Variants in NTF3 observed in about 807,000 individuals in gnomAD.
NTF3 encodes the protein neurotrophin 3.
Under a neutral mutation model 26.3 loss-of-function variants are expected in NTF3, and 8 were observed. That is an observed-to-expected ratio of 0.30 (90% CI 0.18 to 0.55). The LOEUF (loss-of-function observed/expected upper bound fraction) is 0.55. Among genes scored for constraint, NTF3 ranks in the 20% least tolerant of loss-of-function variants. The probability of loss-of-function intolerance (pLI) is 0.93; values close to 1 mark genes in which losing one functional copy is unlikely to be tolerated. For synonymous variants in NTF3, 154 were observed against 145.5 expected, an observed-to-expected ratio of 1.06 and a Z score of -0.42; for missense variants, 276 against 352.9, an observed-to-expected ratio of 0.78 and a Z score of 1.75.
intron 1 of NTF3, among the ~76,000 whole-genome samples, chr12:5,436,500 T>C (rs1940170143): frequency 6.6e-6 from 1 of 152,186 alleles, no homozygotes; most frequent in South Asian, 2.1e-4. Context: ...ATAACTCTTC[T>C]GTTTCTCTTT....
chr12:5,441,457 A>G (rs1366883085), intron 1 of NTF3, among the ~76,000 whole-genome samples: 5 of 150,920 alleles, frequency 3.3e-5, no homozygotes, highest in South Asian at 2.1e-4. Context: ...ATCATCAATG[A>G]TATTAAAATC....
intron 1 of NTF3, among the ~76,000 whole-genome samples, chr12:5,481,505 ACC>A (rs1491267054): frequency 1.7e-4 from 2 of 11,670 alleles, no homozygotes; most frequent in Non-Finnish European, 2.1e-4. Context: ...TACACAGAAT[ACC>A]ACACACACAT....
chr12:5,480,231 G>T (rs1256465014), intron 1 of NTF3, among the ~76,000 whole-genome samples: 1 of 152,118 alleles, frequency 6.6e-6, no homozygotes, highest in Non-Finnish European at 1.5e-5. Context: ...TGGCGCCTGG[G>T]GTGAGGGTCA....
intron 1 of NTF3, 162 bp downstream of exon 1, chr12:5,432,504 A>G (rs1357371295): frequency 5.9e-6 from 2 of 337,986 alleles, no homozygotes; most frequent in Admixed American, 1.3e-4. Flanking sequence ...TGTCTTCCCC[A>G]AAGTTTGCGC....
chr12:5,480,917 G>A (rs1466522581), intron 1 of NTF3, among the ~76,000 whole-genome samples: 1 of 152,116 alleles, frequency 6.6e-6, no homozygotes, highest in South Asian at 2.1e-4. Context: ...TTGACCCAGA[G>A]TTTCTCCTTC....
rs115385652 is a variant in NTF3, at chr12:5,472,491, A to G, written c.19-21703A>G. Among the ~76,000 whole-genome samples, 179 of 152,370 alleles carry G rather than the reference A, an allele frequency of 1.2e-3. 1 individual carries two copies. Among genetic ancestry groups the G allele is most frequent in the African/African-American group, 4.2e-3 (174 of 41,590 alleles). ...ACAACGAACAGTATAAATGTCAGGA[A>G]TTATATGACATTCGGGACCTCCACT... On this transcript the variant is annotated intron_variant, in intron 1 of 1. Transcript: ENST00000423158.
At chr12:5,441,641 C>A (rs1354737374) in intron 1 of NTF3, among the ~76,000 whole-genome samples, 2 of 152,174 alleles carry the variant, frequency 1.3e-5, no homozygotes, top group African/African-American at 4.8e-5. Context: ...TTGTGTCCCC[C>A]ACCTTGAATA....
In NTF3 at chr12:5,494,179, G is replaced by T; in HGVS notation, c.19-15G>T. ...CTGCCAGAGCCTGCTCTTAACACCT[G>T]TGTTTCCTTTTCAGATCTTACAGGT... On this transcript the variant is annotated splice_polypyrimidine_tract_variant and intron_variant, in intron 1 of 1. Coordinates refer to ENST00000423158, the MANE Select transcript of NTF3 (RefSeq NM_001102654.2). The surrounding 1 kb of genome is among the most constrained non-coding windows in gnomAD (Gnocchi z 8.3). 1 of 1,609,306 alleles carries T rather than the reference G, an allele frequency of 6.2e-7. No individual in the cohort carries two copies.
intron 1 of NTF3, among the ~76,000 whole-genome samples, chr12:5,434,831 T>TG (rs1224684645): frequency 2.8e-5 from 4 of 143,536 alleles, no homozygotes; most frequent in African/African-American, 5.2e-5. Flanking sequence ...GGGATGTGTG[T>TG]GGGGGGTGGG....
intron 1 of NTF3, among the ~76,000 whole-genome samples, chr12:5,445,369 A>G (rs1940292768): frequency 6.6e-6 from 1 of 151,198 alleles, no homozygotes; most frequent in Non-Finnish European, 1.5e-5. Context: ...AAAATTACCA[A>G]GTGCTACTGA....
intron 1 of NTF3, among the ~76,000 whole-genome samples, chr12:5,489,745 GTC>G (rs1940910757): frequency 6.6e-6 from 1 of 152,060 alleles, no homozygotes; most frequent in African/African-American, 2.4e-5. Context: ...CTGCAGCCCA[GTC>G]TCTGCACGTG....
At chr12:5,480,171 T>C (rs1442596751) in intron 1 of NTF3, among the ~76,000 whole-genome samples, 1 of 152,164 alleles carries the variant, frequency 6.6e-6, no homozygotes, top group Non-Finnish European at 1.5e-5. Context: ...TGTATGGTTT[T>C]CCAGCATCAA....
intron 1 of NTF3, among the ~76,000 whole-genome samples, chr12:5,454,861 G>C (rs1940418834): frequency 6.6e-6 from 1 of 152,202 alleles, no homozygotes; most frequent in African/African-American, 2.4e-5. Flanking sequence ...ATAGCGAGCA[G>C]AGCGGCAAAT....
chr12:5,472,639 C>T (rs988156221), intron 1 of NTF3, among the ~76,000 whole-genome samples: 5 of 152,132 alleles, frequency 3.3e-5, no homozygotes, highest in African/African-American at 7.2e-5. Flanking sequence ...CTCACAATGC[C>T]GGGTGACAAG....
At position 5,432,126 on chromosome 12, in the gene NTF3, T is replaced by C. The variant is rs1460233606; in HGVS notation, c.-199T>C. 7 of 663,550 alleles carry C rather than the reference T, an allele frequency of 1.1e-5. No individual in the cohort carries two copies. The East Asian group carries it at 1.6e-4, about 16-fold the overall frequency. 41.1% of individuals were successfully genotyped at this position (663,550 alleles called of 1,614,324 possible). A position where few individuals can be genotyped will look rare whatever the true frequency, so the allele number is the denominator to read the frequency against. ...TCACGGGACTCAGAGTTGAAGCTCCTCTCCCTTCCGAACAGCTCCGCGCAC... is the reference window on the plus strand; with the variant it reads ...TCACGGGACTCAGAGTTGAAGCTCCCCTCCCTTCCGAACAGCTCCGCGCAC... On this transcript the variant is annotated 5_prime_UTR_variant, in exon 1 of 2. Coordinates refer to ENST00000423158, the MANE Select transcript of NTF3 (RefSeq NM_001102654.2).
chr12:5,468,681 AAT>A (rs1940623144), intron 1 of NTF3, among the ~76,000 whole-genome samples: 1 of 152,206 alleles, frequency 6.6e-6, no homozygotes, highest in Non-Finnish European at 1.5e-5. Flanking sequence ...ACCACACCTG[AAT>A]TCTACCAGCC....
rs560101732 is a variant in NTF3, at chr12:5,433,507, C to G, written c.18+1165C>G. On this transcript the variant is annotated intron_variant, in intron 1 of 1. Transcript: ENST00000423158. The surrounding 1 kb of genome is among the most constrained non-coding windows in gnomAD (Gnocchi z 4.6). ...GTAGGATTCTGCTTGTTGCTCTCCG[C>G]GGGAGTGGGTGCGCGTCCAGGAGGC... is the stretch of plus-strand genomic sequence containing the variant. Among the ~76,000 whole-genome samples, 25 of 151,692 alleles carry G rather than the reference C, an allele frequency of 1.6e-4. No homozygotes were observed. Among genetic ancestry groups the G allele is most frequent in the African/African-American group, 5.3e-4 (22 of 41,358 alleles).
At chr12:5,443,251 T>G (rs771988638) in intron 1 of NTF3, among the ~76,000 whole-genome samples, 1 of 152,184 alleles carries the variant, frequency 6.6e-6, no homozygotes, top group African/African-American at 2.4e-5. Context: ...TTGGTCTTCT[T>G]GTCATGTAAG....
chr12:5,483,333 G>A (rs148673571), intron 1 of NTF3, among the ~76,000 whole-genome samples: 270 of 152,178 alleles, frequency 1.8e-3, no homozygotes, highest in African/African-American at 6.1e-3. Flanking sequence ...CTCTTCTGGC[G>A]CACACCTTCA....
Sources: gnomAD v4.1 joint callset for allele counts (sites outside exome capture counted in the v4.1 genomes callset) on GRCh38, gnomAD v4.1.1 for gene constraint, Gnocchi (gnomAD v3.1) non-coding constraint, MANE v1.5 for transcripts, NCBI Gene and HGNC (gene_info 2026-07-23, HGNC 2026-07-21) for gene names.